The following MYT1L variants were observed in gnomAD, a reference collection of about 807,000 sequenced individuals.
The protein encoded by MYT1L is myelin transcription factor 1 like.
A neutral mutation model predicts 126.7 loss-of-function variants in MYT1L; 12 were observed. The observed-to-expected ratio is 0.09, with a 90% CI of 0.06 to 0.15. The LOEUF is 0.15. Among genes scored for constraint, MYT1L ranks in the 10% least tolerant of loss-of-function variants. The probability of loss-of-function intolerance (pLI) is 1.00; values close to 1 mark genes in which losing one functional copy is unlikely to be tolerated. For synonymous variants in MYT1L, 541 were observed against 604.2 expected, an observed-to-expected ratio of 0.90 and a Z score of 1.53; for missense variants, 979 against 1,585.2, an observed-to-expected ratio of 0.62 and a Z score of 6.49.
intron 2 of MYT1L, among the ~76,000 whole-genome samples, chr2:2,230,395 G>C (rs1392153836): frequency 6.6e-6 from 1 of 152,194 alleles, no homozygotes; most frequent in Non-Finnish European, 1.5e-5. Context: ...TAGGATGTAT[G>C]CTAAGTAATA....
At chr2:2,140,905 C>T (rs550588370) in intron 3 of MYT1L, among the ~76,000 whole-genome samples, 133 of 152,186 alleles carry the variant, frequency 8.7e-4, no homozygotes, top group Admixed American at 4.6e-3. Context: ...TTTGATTGTT[C>T]GGAATTAGGC....
chr2:1,956,191 G>GTCTGTCTGTCTGTCTA (rs1553354694), intron 8 of MYT1L, among the ~76,000 whole-genome samples: 2,123 of 145,970 alleles, frequency 0.015, 11 homozygotes, highest in Non-Finnish European at 0.023. Flanking sequence ...TTACCTAGCT[G>GTCTGTCTGTCTGTCTA]TCTATCTATC....
At chr2:1,934,081 G>T (rs1049789224) in intron 9 of MYT1L, among the ~76,000 whole-genome samples, 61 of 148,076 alleles carry the variant, frequency 4.1e-4, no homozygotes, top group Admixed American at 1.8e-3. Context: ...TTCACGCCAT[G>T]CTCCTGCCTC....
At chr2:2,327,770 G>C (rs1242687606) in intron 1 of MYT1L, among the ~76,000 whole-genome samples, 1 of 152,176 alleles carries the variant, frequency 6.6e-6, no homozygotes, top group African/African-American at 2.4e-5. Flanking sequence ...GCAAAGCAGA[G>C]TGGTCATTAT....
Position 1,887,538 on chromosome 2 carries a change from A to T in MYT1L, c.2592T>A (p.Ser864Arg). 1 of 1,613,896 alleles carries T rather than the reference A, an allele frequency of 6.2e-7. No homozygotes were observed. The highest frequency in any genetic ancestry group is 8.5e-7 in the Non-Finnish European group (1 of 1,179,868). ...RRYPGEVTIPSPKPKYPQCKE... is the reference protein window; with the variant it reads ...RRYPGEVTIPRPKPKYPQCKE... Reference sequence around the variant, plus strand: ...TGCACTGAGGGTACTTGGGTTTGGGACTTGGGATGGTCACCTCCCCGGGAT... The same window carrying T: ...TGCACTGAGGGTACTTGGGTTTGGGTCTTGGGATGGTCACCTCCCCGGGAT... Residue 864 changes from serine (S) to arginine (R), a missense_variant, in exon 17 of 25, where the codon AGT becomes AGA. Ser to Arg is a moderately radical substitution (Grantham distance 110). Coordinates refer to ENST00000647738, the MANE Select transcript of MYT1L (RefSeq NM_001303052.2). This position sits in a 1 kb window ranked among gnomAD's most constrained non-coding sequence, Gnocchi z 4.8.
chr2:1,798,302 A>G (rs1033641206), intron 23 of MYT1L, among the ~76,000 whole-genome samples: 6 of 151,638 alleles, frequency 4.0e-5, no homozygotes, highest in South Asian at 2.1e-4. Context: ...CAGGTGTGAA[A>G]TTTAAAGGCT....
Position 2,119,758 on chromosome 2 carries a change from A to G in MYT1L, c.-304+53114T>C, listed in dbSNP as rs149756871. 4.0e-3 allele frequency among the ~76,000 whole-genome samples: 606 copies of G among 152,368 alleles called. 4 individuals carry two copies. Among genetic ancestry groups the G allele is most frequent in the African/African-American group, 0.014 (578 of 41,582 alleles). On this transcript the variant is annotated intron_variant, in intron 3 of 24. Transcript: ENST00000647738. ...CATAGTGTTAGAAATACTCAAGTAT[A>G]CAAAACTGTATGTATGCATTCTCTT...
intron 2 of MYT1L, among the ~76,000 whole-genome samples, chr2:2,178,003 T>C (rs2091013367): frequency 6.6e-6 from 1 of 152,158 alleles, no homozygotes; most frequent in African/African-American, 2.4e-5. Flanking sequence ...TAAGAAAAAC[T>C]TTCACTTTTT....
At chr2:2,251,290 T>C (rs1023607414) in intron 2 of MYT1L, among the ~76,000 whole-genome samples, 1 of 152,244 alleles carries the variant, frequency 6.6e-6, no homozygotes, top group African/African-American at 2.4e-5. Flanking sequence ...ATTAGTAAGA[T>C]AACAAGATAA....
At chr2:1,886,337 T>C (rs1263665841) in intron 18 of MYT1L, 1 of 420,118 alleles carries the variant, frequency 2.4e-6, no homozygotes, top group Admixed American at 4.4e-5. Flanking sequence ...GCTGGAGGTA[T>C]GTCAGGGGAA....
Position 1,927,010 on chromosome 2 carries a change from C to T in MYT1L, c.506-3747G>A, listed in dbSNP as rs1379151343. 2.1e-4 allele frequency among the ~76,000 whole-genome samples: 32 copies of T among 152,200 alleles called. 1 individual carries two copies. Among genetic ancestry groups the T allele is most frequent in the Admixed American group, 2.0e-3 (31 of 15,284 alleles). On this transcript the variant is annotated intron_variant, in intron 9 of 24. Coordinates refer to ENST00000647738, the MANE Select transcript of MYT1L (RefSeq NM_001303052.2). ...GAGAAGAACAAAGCATTCTCAGCTC[C>T]CTTTTTTTGGTTTTCTATTTTAAAT...
intron 18 of MYT1L, among the ~76,000 whole-genome samples, chr2:1,863,354 AGAGT>A (rs1168527030): frequency 6.6e-6 from 1 of 152,198 alleles, no homozygotes; most frequent in African/African-American, 2.4e-5. Flanking sequence ...ATCTGTTTCA[AGAGT>A]AAGTTAGGGA....
At chr2:2,282,803 A>T (rs1022418102) in intron 2 of MYT1L, among the ~76,000 whole-genome samples, 3 of 152,256 alleles carry the variant, frequency 2.0e-5, no homozygotes, top group Non-Finnish European at 4.4e-5. Context: ...GGCTGGGCAC[A>T]GTGGTTCACA....
chr2:1,952,258 A>G (rs142154366), intron 8 of MYT1L, among the ~76,000 whole-genome samples: 3 of 152,354 alleles, frequency 2.0e-5, no homozygotes, highest in Non-Finnish European at 2.9e-5. Context: ...GTCACTTTAA[A>G]TGATGTAGCC....
At chr2:2,110,849 G>C (rs1490400654) in intron 3 of MYT1L, among the ~76,000 whole-genome samples, 1 of 152,054 alleles carries the variant, frequency 6.6e-6, no homozygotes, top group African/African-American at 2.4e-5. Context: ...TATGGAGGCG[G>C]GAGTGAGTGC....
chr2:1,924,802 C>A (rs2054014315), intron 9 of MYT1L, among the ~76,000 whole-genome samples: 1 of 152,010 alleles, frequency 6.6e-6, no homozygotes, highest in Non-Finnish European at 1.5e-5. Flanking sequence ...CCAAGAGCAG[C>A]AAAAAGAAAG....
intron 21 of MYT1L, among the ~76,000 whole-genome samples, chr2:1,814,948 C>T (rs1018451534): frequency 6.6e-6 from 1 of 152,190 alleles, no homozygotes; most frequent in African/African-American, 2.4e-5. Flanking sequence ...ACTTTCTCTG[C>T]TAAGTCCTGC....
rs2147803080 is a variant in MYT1L, at chr2:1,793,586, C to G, written c.3277-1122G>C. ...TGTACTGGGTCAAATCCCGGGTTCT[C>G]CCAGTCACCAGCCTCAGGCCCAGAC... On this transcript the variant is annotated intron_variant, in intron 23 of 24. Transcript: ENST00000647738. This position sits in a 1 kb window ranked among gnomAD's most constrained non-coding sequence, Gnocchi z 4.6. Among the ~76,000 whole-genome samples the G allele has an allele frequency of 6.6e-6, 1 of 152,310 alleles. No homozygotes were observed. Among genetic ancestry groups the G allele is most frequent in the African/African-American group, 2.4e-5 (1 of 41,576 alleles).
chr2:2,080,928 T>C (rs1301879039), intron 3 of MYT1L, among the ~76,000 whole-genome samples: 2 of 152,182 alleles, frequency 1.3e-5, no homozygotes, highest in Non-Finnish European at 2.9e-5. Context: ...TATTGTTTGA[T>C]TCTATTTATG....
Sources: gnomAD v4.1 joint callset for allele counts (sites outside exome capture counted in the v4.1 genomes callset) on GRCh38, gnomAD v4.1.1 for gene constraint, Gnocchi (gnomAD v3.1) non-coding constraint, MANE v1.5 for transcripts, NCBI Gene and HGNC (gene_info 2026-07-23, HGNC 2026-07-21) for gene names.